GPC3: variants seen among roughly 807,000 people sequenced by gnomAD.
GPC3 encodes the protein glypican-3.
GPC3 carries 3 observed loss-of-function variants against 34.4 expected under a neutral mutation model. That is an observed-to-expected ratio of 0.09 (90% confidence interval 0.04 to 0.23). The LOEUF (loss-of-function observed/expected upper bound fraction) is 0.23. Among genes scored for constraint, GPC3 ranks in the 10% least tolerant of loss-of-function variants. The pLI is 1.00. For synonymous variants in GPC3, 177 were observed against 174.0 expected (o/e 1.02, Z -0.13); for missense variants, 351 against 445.6 (o/e 0.79, Z 1.91).
At chrX:133,584,251 G>A (rs945832456) in intron 7 of GPC3, among the ~76,000 whole-genome samples, 1 of 112,000 alleles carries the variant, frequency 8.9e-6, no homozygotes, top group Non-Finnish European at 1.9e-5. Flanking sequence ...TACTAAATAC[G>A]TACTGAGAGT....
chrX:133,691,799 C>T (rs1184212688), intron 5 of GPC3, among the ~76,000 whole-genome samples: 1 of 112,054 alleles, frequency 8.9e-6, no homozygotes, highest in African/African-American at 3.2e-5. Flanking sequence ...TAAGGACCCA[C>T]ATAATGAGGA....
intron 2 of GPC3, among the ~76,000 whole-genome samples, chrX:133,830,336 C>T (rs891614175): frequency 8.9e-6 from 1 of 112,120 alleles, no homozygotes; most frequent in Non-Finnish European, 1.9e-5. Flanking sequence ...AAATCTCTCC[C>T]TAAAATCAAA....
At chrX:133,744,490 A>G (rs953071899) in intron 3 of GPC3, among the ~76,000 whole-genome samples, 11 of 112,559 alleles carry the variant, frequency 9.8e-5, no homozygotes, top group African/African-American at 2.6e-4. Flanking sequence ...TAGAATGGCA[A>G]TCATTTAAAA....
intron 2 of GPC3, among the ~76,000 whole-genome samples, chrX:133,863,090 C>T (rs2075945840): frequency 8.9e-6 from 1 of 112,742 alleles, no homozygotes; most frequent in Non-Finnish European, 1.9e-5. Context: ...CTTTGTTAGA[C>T]ATTAATGAAA....
chrX:133,853,313 G>A (rs2075884272), intron 2 of GPC3, among the ~76,000 whole-genome samples: 1 of 111,757 alleles, frequency 8.9e-6, no homozygotes, highest in African/African-American at 3.3e-5. Context: ...CTTCTATCCA[G>A]TATCTCCCTC....
At chrX:133,569,494 T>C (rs1797211893) in intron 7 of GPC3, among the ~76,000 whole-genome samples, 1 of 111,913 alleles carries the variant, frequency 8.9e-6, no homozygotes, top group Non-Finnish European at 1.9e-5. Context: ...GGAAGTCCAC[T>C]GCTATGAACC....
chrX:133,946,171 T>C (rs1045859557), intron 2 of GPC3, among the ~76,000 whole-genome samples: 7 of 111,343 alleles, frequency 6.3e-5, no homozygotes, highest in Non-Finnish European at 1.3e-4. Context: ...ACAATAGAGT[T>C]CCCTTGCAAG....
intron 2 of GPC3, among the ~76,000 whole-genome samples, chrX:133,879,051 A>C (rs1025553555): frequency 9.0e-5 from 10 of 111,227 alleles, no homozygotes; most frequent in African/African-American, 3.3e-4. Context: ...CGAGATATAA[A>C]ACACAGAATG....
intron 6 of GPC3, among the ~76,000 whole-genome samples, chrX:133,601,191 T>C (rs909620540): frequency 2.7e-5 from 3 of 111,843 alleles, no homozygotes; most frequent in African/African-American, 9.7e-5. Context: ...CAACTTTCTT[T>C]TAGAATCTAA....
intron 7 of GPC3, among the ~76,000 whole-genome samples, chrX:133,575,284 A>G (rs950736196): frequency 8.9e-6 from 1 of 112,107 alleles, no homozygotes; most frequent in African/African-American, 3.2e-5. Context: ...AGTAAGTGCT[A>G]TTATGTTTCT....
intron 2 of GPC3, among the ~76,000 whole-genome samples, chrX:133,853,367 T>C (rs2075884566): frequency 8.9e-6 from 1 of 112,131 alleles, no homozygotes; most frequent in South Asian, 3.7e-4. Context: ...GTTTCCCTCA[T>C]ATTCCTCTTC....
chrX:133,889,781 T>C (rs1603266504), intron 2 of GPC3, among the ~76,000 whole-genome samples: 1 of 92,523 alleles, frequency 1.1e-5, no homozygotes, highest in Non-Finnish European at 2.1e-5. Context: ...GACCATAATC[T>C]CACCATCTAG....
intron 1 of GPC3, among the ~76,000 whole-genome samples, chrX:133,980,282 T>C (rs894107894): frequency 4.5e-5 from 5 of 112,282 alleles, no homozygotes; most frequent in African/African-American, 1.6e-4. Flanking sequence ...CCAAAATATA[T>C]GTAGGCTGAA....
chrX:133,931,682 T>C (rs948928765), intron 2 of GPC3, among the ~76,000 whole-genome samples: 2 of 111,869 alleles, frequency 1.8e-5, no homozygotes, highest in South Asian at 3.8e-4. Flanking sequence ...AAACTCTCAC[T>C]ATTATTCCTG....
At chrX:133,752,443 A>G (rs938769208) in intron 3 of GPC3, among the ~76,000 whole-genome samples, 3 of 111,796 alleles carry the variant, frequency 2.7e-5, no homozygotes, top group Non-Finnish European at 3.8e-5. Context: ...TTACTATGAA[A>G]TGATATTATG....
intron 7 of GPC3, among the ~76,000 whole-genome samples, chrX:133,584,900 T>C (rs1294000122): frequency 1.1e-5 from 1 of 89,148 alleles, no homozygotes; most frequent in African/African-American, 4.4e-5. Flanking sequence ...TTATTTACCA[T>C]CAGACATTCA....
intron 5 of GPC3, among the ~76,000 whole-genome samples, chrX:133,676,140 G>A (rs776421117): frequency 8.9e-6 from 1 of 112,206 alleles, no homozygotes; most frequent in African/African-American, 3.2e-5. Flanking sequence ...GGGCTGCCGT[G>A]GTTGCTGGAA....
intron 2 of GPC3, among the ~76,000 whole-genome samples, chrX:133,869,924 C>T (rs1228947701): frequency 1.8e-5 from 2 of 112,250 alleles, no homozygotes; most frequent in African/African-American, 6.5e-5. Context: ...CTCTGCACTC[C>T]AGCCTAGGCG....
chrX:133,847,362 C>G (rs1208882345), intron 2 of GPC3, among the ~76,000 whole-genome samples: 1 of 111,985 alleles, frequency 8.9e-6, no homozygotes, highest in African/African-American at 3.2e-5. Flanking sequence ...TTCCCTACTG[C>G]AATTTTCATT....
Sources: gnomAD v4.1 joint callset for allele counts (sites outside exome capture counted in the v4.1 genomes callset) on GRCh38, gnomAD v4.1.1 for gene constraint, MANE v1.5 for transcripts, NCBI Gene and HGNC (gene_info 2026-07-23, HGNC 2026-07-21) for gene names.